The following NTM variants were observed in gnomAD, a reference collection of about 807,000 sequenced individuals.
NTM encodes the protein neurotrimin.
NTM carries 13 observed loss-of-function variants against 42.1 expected under a neutral mutation model. The ratio of observed to expected loss-of-function variants is 0.31; its 90% CI spans 0.20 to 0.49. The LOEUF (loss-of-function observed/expected upper bound fraction) is 0.49, where lower values mean the gene tolerates loss of function less well. NTM is among the 20% of genes least tolerant of loss of function. NTM has a pLI of 0.99. For missense variants in NTM, 373 were observed against 452.8 expected (o/e 0.82, Z 1.60); for synonymous variants, 187 against 179.2 (o/e 1.04, Z -0.35).
chr11:131,714,529 G>C (rs1039345730), intron 1 of NTM, among the ~76,000 whole-genome samples: 1 of 152,040 alleles, frequency 6.6e-6, no homozygotes, highest in Admixed American at 6.6e-5. Flanking sequence ...CCATTCCCTG[G>C]CGCTGGCTGA....
chr11:131,675,606 C>T, intron 1 of NTM, among the ~76,000 whole-genome samples: 1 of 152,130 alleles, frequency 6.6e-6, no homozygotes, highest in East Asian at 1.9e-4. Context: ...GCGGCTTACT[C>T]GAGTTCTCGC....
At chr11:131,399,936 A>C (rs996326587) in intron 1 of NTM, among the ~76,000 whole-genome samples, 2 of 152,072 alleles carry the variant, frequency 1.3e-5, no homozygotes, top group African/African-American at 4.8e-5. Context: ...TTATGGTATT[A>C]GATTGGGTAC....
intron 4 of NTM, among the ~76,000 whole-genome samples, chr11:132,303,623 A>T (rs916132345): frequency 2.0e-5 from 3 of 151,750 alleles, no homozygotes; most frequent in Non-Finnish European, 2.9e-5. Context: ...ACACAATTGA[A>T]CCCATAATAG....
chr11:131,899,747 A>G (rs1381299946), intron 1 of NTM, among the ~76,000 whole-genome samples: 3 of 151,266 alleles, frequency 2.0e-5, no homozygotes, highest in Non-Finnish European at 4.4e-5. Flanking sequence ...ACTTGTTTTT[A>G]TCCTTTAACT....
chr11:131,413,944 G>T lies in NTM; in HGVS notation c.82+43056G>T, dbSNP rs74561419. Among the ~76,000 whole-genome samples, 1,122 of 152,322 alleles carry T rather than the reference G, an allele frequency of 7.4e-3. 21 individuals carry two copies. The highest frequency in any genetic ancestry group is 0.025 in the African/African-American group (1,024 of 41,576). ...CTGTGGCGAAAGGCAGAGGGAAGGT[G>T]CAGGGACAATCTCTGGTAGAGTAAT... On this transcript the variant is annotated intron_variant, in intron 1 of 8. Transcript: ENST00000683400.
intron 1 of NTM, among the ~76,000 whole-genome samples, chr11:131,402,978 T>C (rs1945407320): frequency 1.3e-5 from 2 of 152,218 alleles, no homozygotes; most frequent in Non-Finnish European, 2.9e-5. Flanking sequence ...AAGCAGCTGC[T>C]CTTCATTAGG....
At position 132,174,536 on chromosome 11, in the gene NTM, T is replaced by G. The variant is rs1424634730; in HGVS notation, c.400+28022T>G. On this transcript the variant is annotated intron_variant, in intron 3 of 8. Coordinates refer to ENST00000683400, the MANE Select transcript of NTM (RefSeq NM_001352005.2). Reference sequence around the variant, plus strand: ...GTGAGGAGCGGACTATGATGGGCATTGCTGTGTCGCCTCTTTCTCCCTCTT... The same window carrying G: ...GTGAGGAGCGGACTATGATGGGCATGGCTGTGTCGCCTCTTTCTCCCTCTT... 2.0e-5 allele frequency among the ~76,000 whole-genome samples: 3 copies of G among 152,226 alleles called. No homozygotes were observed. In the East Asian group the frequency reaches 5.8e-4, roughly 29 times the overall value.
chr11:131,631,903 G>C (rs1240413659), intron 1 of NTM, among the ~76,000 whole-genome samples: 1 of 152,098 alleles, frequency 6.6e-6, no homozygotes, highest in African/African-American at 2.4e-5. Flanking sequence ...AGAAGTCTGA[G>C]ATTATCTTTT....
intron 1 of NTM, among the ~76,000 whole-genome samples, chr11:131,760,178 G>A (rs2083919026): frequency 6.6e-6 from 1 of 152,180 alleles, no homozygotes. Flanking sequence ...GACAACACTG[G>A]AAGTGTTGAT....
chr11:131,995,555 A>G lies in NTM; in HGVS notation c.167+83907A>G, dbSNP rs960590768. On this transcript the variant is annotated intron_variant, in intron 2 of 8. Transcript: ENST00000683400. The stretch of plus-strand genomic sequence containing the variant: ...TTGTAGGGGAGCAGGGCATGTGCCA[A>G]GATCCCAAGTGGAAGAGAGTGTGAG... Among the ~76,000 whole-genome samples the G allele has an allele frequency of 2.0e-5, 3 of 152,152 alleles. No homozygotes were observed. In the East Asian group the frequency reaches 5.8e-4, roughly 30 times the overall value.
At chr11:131,761,890 GCTCT>G (rs369909293) in intron 1 of NTM, among the ~76,000 whole-genome samples, 40 of 150,712 alleles carry the variant, frequency 2.7e-4, no homozygotes, top group Non-Finnish European at 5.9e-4. Flanking sequence ...GAGCGCGCAT[GCTCT>G]CTCTGTCTCC....
At chr11:131,837,723 G>A (rs1294072575) in intron 1 of NTM, among the ~76,000 whole-genome samples, 1 of 152,058 alleles carries the variant, frequency 6.6e-6, no homozygotes, top group East Asian at 1.9e-4. Flanking sequence ...GGCTATGCGT[G>A]GTGTTGCGGG....
intron 1 of NTM, among the ~76,000 whole-genome samples, chr11:131,470,152 G>A (rs1029380335): frequency 1.3e-5 from 2 of 152,200 alleles, no homozygotes; most frequent in Admixed American, 1.3e-4. Context: ...GCCATGGGCA[G>A]GACATGGTTA....
chr11:131,553,927 T>C (rs1365263432), intron 1 of NTM, among the ~76,000 whole-genome samples: 1 of 152,198 alleles, frequency 6.6e-6, no homozygotes, highest in Non-Finnish European at 1.5e-5. Flanking sequence ...ACTTGATACC[T>C]CAAGCCCTCT....
chr11:132,052,327 G>A (rs1242506514), intron 2 of NTM, among the ~76,000 whole-genome samples: 4 of 152,052 alleles, frequency 2.6e-5, no homozygotes, highest in African/African-American at 4.8e-5. Context: ...CCAGCATTCC[G>A]GCATTCTCTC....
intron 1 of NTM, among the ~76,000 whole-genome samples, chr11:131,503,880 A>G (rs914553390): frequency 4.6e-5 from 7 of 152,118 alleles, no homozygotes; most frequent in African/African-American, 1.4e-4. Context: ...TGGCTTCTCT[A>G]TTAGAGGTGA....
chr11:131,565,779 G>A lies in NTM; in HGVS notation c.82+194891G>A, dbSNP rs182469550. Among the ~76,000 whole-genome samples, 226 of 152,254 alleles carry A rather than the reference G, an allele frequency of 1.5e-3. 1 individual carries two copies. Among genetic ancestry groups the A allele is most frequent in the African/African-American group, 5.3e-3 (221 of 41,534 alleles). ...CTGCCCCGTGACTTCTGAACACCCTGGACCTGGGGCACCTCACTGGAGTCA... is the reference window on the plus strand; with the variant it reads ...CTGCCCCGTGACTTCTGAACACCCTAGACCTGGGGCACCTCACTGGAGTCA... On this transcript the variant is annotated intron_variant, in intron 1 of 8. Transcript: ENST00000683400.
At chr11:131,826,854 G>A (rs2042196115) in intron 1 of NTM, among the ~76,000 whole-genome samples, 1 of 152,098 alleles carries the variant, frequency 6.6e-6, no homozygotes, top group Admixed American at 6.5e-5. Context: ...TCTTCCTGTA[G>A]GAGTAGCGTG....
At chr11:132,275,265 A>G (rs892987083) in intron 4 of NTM, among the ~76,000 whole-genome samples, 1 of 152,126 alleles carries the variant, frequency 6.6e-6, no homozygotes. Context: ...TCAGATATCC[A>G]GTCATCCTAG....
Sources: gnomAD v4.1 joint callset for allele counts (sites outside exome capture counted in the v4.1 genomes callset) on GRCh38, gnomAD v4.1.1 for gene constraint, MANE v1.5 for transcripts, NCBI Gene and HGNC (gene_info 2026-07-23, HGNC 2026-07-21) for gene names.